Variants in ITGA8 observed in about 807,000 individuals in gnomAD.
ITGA8 encodes the protein integrin alpha-8.
In ITGA8, 91 loss-of-function variants were observed where a neutral mutation model predicts 142.3. That is an observed-to-expected ratio of 0.64 (90% CI 0.54 to 0.76). The LOEUF is 0.76. Among genes scored for constraint, ITGA8 ranks in the 30% least tolerant of loss-of-function variants. The pLI is 0.00. For synonymous variants in ITGA8, 505 were observed against 485.2 expected (o/e 1.04, Z -0.54); for missense variants, 1,406 against 1,327.7 (o/e 1.06, Z -0.92).
At chr10:15,587,612 C>G (rs1384614100) in intron 22 of ITGA8, among the ~76,000 whole-genome samples, 1 of 152,138 alleles carries the variant, frequency 6.6e-6, no homozygotes, top group Non-Finnish European at 1.5e-5. Context: ...AAATAACACA[C>G]TTTTCATTAC....
At chr10:15,647,094 T>C in intron 11 of ITGA8, 43 bp from the exon 12 acceptor site, 1 of 1,463,200 alleles carries the variant, frequency 6.8e-7, no homozygotes, top group South Asian at 1.1e-5. Context: ...TAGCAGAGAG[T>C]AGAGTCACTT....
intron 10 of ITGA8, among the ~76,000 whole-genome samples, chr10:15,657,509 CAT>C (rs1491517878): frequency 1.9e-4 from 22 of 116,498 alleles, no homozygotes; most frequent in African/African-American, 3.5e-4. Context: ...TCTTTTCTTT[CAT>C]TTTTTTTTTT....
Position 15,672,607 on chromosome 10 carries a change from T to C in ITGA8, c.802+17A>G. The C allele has an allele frequency of 1.9e-6, 3 of 1,602,504 alleles. No individual in the cohort carries two copies. The highest frequency in any genetic ancestry group is 1.1e-5 in the South Asian group (1 of 88,626). ...GTCTTTTGAAAAACCACAAATGTCT[T>C]GGGCAATGGGTCTTACCAAGGTAAC... On this transcript the variant is annotated intron_variant, in intron 7 of 29. Coordinates refer to ENST00000378076, the MANE Select transcript of ITGA8 (RefSeq NM_003638.3).
At chr10:15,611,502 T>TG (rs1833293186) in intron 15 of ITGA8, 1 of 150,282 alleles carries the variant, frequency 6.7e-6, no homozygotes, top group African/African-American at 2.4e-5. Context: ...TTTTTTTTTT[T>TG]TTTTTTTGAG....
chr10:15,546,035 G>A (rs553594752), intron 27 of ITGA8, among the ~76,000 whole-genome samples: 2 of 152,226 alleles, frequency 1.3e-5, no homozygotes, highest in Admixed American at 6.5e-5. Context: ...TGGCCTCAGG[G>A]CCTTTGCACA....
Position 15,703,646 on chromosome 10 carries a change from T to C in ITGA8, c.343+15120A>G, listed in dbSNP as rs12241519. On this transcript the variant is annotated intron_variant, in intron 2 of 29. Coordinates refer to ENST00000378076, the MANE Select transcript of ITGA8 (RefSeq NM_003638.3). ...GACACACAGAGCTGGTTACAGTGGA[T>C]TGTACTGACTGAGACAACGTTGACC... 9.6e-4 allele frequency among the ~76,000 whole-genome samples: 146 copies of C among 152,204 alleles called. 1 individual carries two copies. The highest frequency in any genetic ancestry group is 3.4e-3 in the Middle Eastern group (1 of 294).
intron 13 of ITGA8, among the ~76,000 whole-genome samples, chr10:15,627,422 C>T (rs558914394): frequency 6.6e-5 from 10 of 152,290 alleles, no homozygotes; most frequent in South Asian, 2.1e-4. Flanking sequence ...TTCTGGCTTA[C>T]GCTGGCTATC....
intron 11 of ITGA8, among the ~76,000 whole-genome samples, chr10:15,652,466 T>C (rs983856161): frequency 3.6e-4 from 52 of 145,890 alleles, no homozygotes; most frequent in South Asian, 2.4e-3. Flanking sequence ...TTTTTTTCCC[T>C]GATGTTGAGA....
At chr10:15,653,831 C>CT (rs111283505) in intron 11 of ITGA8, among the ~76,000 whole-genome samples, 7 of 130,034 alleles carry the variant, frequency 5.4e-5, no homozygotes, top group African/African-American at 1.9e-4. Flanking sequence ...TTTCTTTTTT[C>CT]TTTTTTTTTT....
chr10:15,570,453 CA>C (rs113289349), intron 25 of ITGA8, among the ~76,000 whole-genome samples: 28,885 of 151,240 alleles, frequency 0.19, 3,983 homozygotes, highest in East Asian at 0.37. Context: ...ACTAAAAATA[CA>C]AAAAAATTAG....
chr10:15,524,907 G>T (rs1833139976), intron 28 of ITGA8, among the ~76,000 whole-genome samples: 1 of 152,162 alleles, frequency 6.6e-6, no homozygotes, highest in Admixed American at 6.5e-5. Context: ...GTAGCCATTA[G>T]ATAATAAATA....
At chr10:15,563,987 T>A (rs546517838) in intron 25 of ITGA8, among the ~76,000 whole-genome samples, 59 of 152,140 alleles carry the variant, frequency 3.9e-4, no homozygotes, top group African/African-American at 1.2e-3. Context: ...TTTCATCAGA[T>A]GTATCTTGTG....
chr10:15,619,246 T>A (rs1452867468), intron 13 of ITGA8, among the ~76,000 whole-genome samples: 1 of 152,200 alleles, frequency 6.6e-6, no homozygotes, highest in Non-Finnish European at 1.5e-5. Context: ...TTTGTCTTAA[T>A]GCCTGCTCTG....
intron 13 of ITGA8, among the ~76,000 whole-genome samples, chr10:15,633,786 C>A (rs192147729): frequency 1.3e-5 from 2 of 152,066 alleles, no homozygotes; most frequent in Non-Finnish European, 2.9e-5. Context: ...CTTTTCCCCC[C>A]CTCACTCATA....
At chr10:15,669,862 G>T (rs530310798) in intron 8 of ITGA8, among the ~76,000 whole-genome samples, 9 of 152,170 alleles carry the variant, frequency 5.9e-5, no homozygotes, top group Non-Finnish European at 1.0e-4. Flanking sequence ...CTGCCTGATC[G>T]TTCCTCTGGA....
At chr10:15,670,772 G>A (rs2131684446) in intron 8 of ITGA8, among the ~76,000 whole-genome samples, 1 of 152,192 alleles carries the variant, frequency 6.6e-6, no homozygotes, top group Non-Finnish European at 1.5e-5. Context: ...ACGTTGAATA[G>A]ATCCCAGAAT....
intron 25 of ITGA8, among the ~76,000 whole-genome samples, chr10:15,562,225 G>A (rs777355729): frequency 1.3e-5 from 2 of 152,198 alleles, no homozygotes; most frequent in Non-Finnish European, 2.9e-5. Flanking sequence ...GAGCTATTGC[G>A]TAGGAAGGAC....
chr10:15,660,667 T>C (rs982455723), intron 9 of ITGA8, among the ~76,000 whole-genome samples: 1 of 152,214 alleles, frequency 6.6e-6, no homozygotes, highest in Non-Finnish European at 1.5e-5. Flanking sequence ...CATTATAAAA[T>C]AGGCTTTTGC....
At chr10:15,540,148 T>C (rs1156768468) in intron 27 of ITGA8, among the ~76,000 whole-genome samples, 1 of 152,180 alleles carries the variant, frequency 6.6e-6, no homozygotes, top group Non-Finnish European at 1.5e-5. Context: ...ACTAATACAA[T>C]TACAAATCTT....
Sources: allele counts gnomAD v4.1 joint callset (sites outside exome capture counted in the v4.1 genomes callset), GRCh38; gene constraint gnomAD v4.1.1; transcripts MANE v1.5; gene names NCBI Gene and HGNC (gene_info 2026-07-23, HGNC 2026-07-21).